Variants in DYNC1LI1 observed in about 807,000 individuals in gnomAD.
DYNC1LI1 encodes the protein cytoplasmic dynein 1 light intermediate chain 1.
In DYNC1LI1, 19 loss-of-function variants were observed where a neutral mutation model predicts 63.8. The observed-to-expected ratio is 0.30, with a 90% CI of 0.21 to 0.44. DYNC1LI1 has a LOEUF of 0.44. Ranked by LOEUF, DYNC1LI1 falls within the 20% of genes least tolerant of loss-of-function variation. The probability of loss-of-function intolerance (pLI) is 1.00; values close to 1 mark genes in which losing one functional copy is unlikely to be tolerated. For synonymous variants in DYNC1LI1, 225 were observed against 232.3 expected (o/e 0.97, Z 0.28); for missense variants, 565 against 630.2 (o/e 0.90, Z 1.11).
intron 5 of DYNC1LI1, among the ~76,000 whole-genome samples, chr3:32,538,594 G>T (rs144028110): frequency 1.3e-5 from 2 of 151,938 alleles, no homozygotes; most frequent in African/African-American, 4.8e-5. Context: ...CCAGCTACTC[G>T]GGAGGCTGAG....
At chr3:32,529,831 C>T (rs1697671337) in intron 10 of DYNC1LI1, among the ~76,000 whole-genome samples, 171 bp from the exon 11 acceptor site, 1 of 152,092 alleles carries the variant, frequency 6.6e-6, no homozygotes, top group South Asian at 2.1e-4. Flanking sequence ...TTAGAGAATG[C>T]CAGACAGAGG....
chr3:32,534,387 A>G, intron 7 of DYNC1LI1, 124 bp downstream of exon 7: 3 of 705,544 alleles, frequency 4.3e-6, no homozygotes, highest in Non-Finnish European at 7.0e-6. Flanking sequence ...ATCTAGGAAC[A>G]GATAGATTCT....
At chr3:32,557,295 C>G (rs1456063994) in intron 2 of DYNC1LI1, among the ~76,000 whole-genome samples, 2 of 152,128 alleles carry the variant, frequency 1.3e-5, no homozygotes, top group African/African-American at 4.8e-5. Flanking sequence ...GTGGGTGGAT[C>G]ACCTGAGGTC....
At chr3:32,543,702 G>C (rs1697913815) in intron 4 of DYNC1LI1, among the ~76,000 whole-genome samples, 1 of 150,688 alleles carries the variant, frequency 6.6e-6, no homozygotes, top group South Asian at 2.1e-4. Context: ...CACCACGCCT[G>C]GCCCACCTAT....
Position 32,570,346 on chromosome 3 carries a change from C to G in DYNC1LI1, c.220G>C (p.Gly74Arg), listed in dbSNP as rs772385078. Residue 74 changes from glycine (G) to arginine (R), a missense_variant and splice_region_variant, in exon 2 of 13, where the codon GGT becomes CGT. By Grantham distance (125) the Gly-to-Arg change is moderately radical (BLOSUM62 -2). Transcript: ENST00000273130. ...LPAGKNVLLL[G>R]EDGAGKTSLI... is the part of the protein sequence containing the mutation. ...GCGGGGCGAGGCAGGGAACACTTACCCAGCAGTAGCACGTTCTTCCCCGCA... is the reference window on the plus strand; with the variant it reads ...GCGGGGCGAGGCAGGGAACACTTACGCAGCAGTAGCACGTTCTTCCCCGCA... 2.5e-6 allele frequency: 4 copies of G among 1,580,240 alleles called. No individual in the cohort carries two copies. The highest frequency in any genetic ancestry group is 1.7e-6 in the Non-Finnish European group (2 of 1,159,014).
intron 2 of DYNC1LI1, among the ~76,000 whole-genome samples, chr3:32,557,720 T>C (rs1415774123): frequency 6.6e-6 from 1 of 152,090 alleles, no homozygotes; most frequent in Non-Finnish European, 1.5e-5. Flanking sequence ...ACCTTTAAAG[T>C]GGCCAATACA....
At chr3:32,542,714 A>G (rs1697899242) in intron 4 of DYNC1LI1, among the ~76,000 whole-genome samples, 1 of 152,080 alleles carries the variant, frequency 6.6e-6, no homozygotes, top group Non-Finnish European at 1.5e-5. Context: ...CCTATTTTCA[A>G]TTTTCAAAAA....
chr3:32,550,202 C>T (rs190267729), intron 2 of DYNC1LI1, among the ~76,000 whole-genome samples: 321 of 152,224 alleles, frequency 2.1e-3, no homozygotes, highest in African/African-American at 6.8e-3. Flanking sequence ...GAGGCCAAGG[C>T]GGGTGGATCA....
rs1333515952 is a variant in DYNC1LI1 at position 32,526,730 on chromosome 3, T to C, written c.*69A>G. 4 of 1,214,866 alleles carry C rather than the reference T, an allele frequency of 3.3e-6. No homozygotes were observed. Among genetic ancestry groups the C allele is most frequent in the East Asian group, 4.7e-5 (2 of 42,530 alleles). 75.3% of individuals were successfully genotyped at this position (1,214,866 alleles called of 1,614,324 possible). A position where few individuals can be genotyped will look rare whatever the true frequency, so the allele number is the denominator to read the frequency against. On this transcript the variant is annotated 3_prime_UTR_variant, in exon 13 of 13. Coordinates refer to ENST00000273130, the MANE Select transcript of DYNC1LI1 (RefSeq NM_016141.4). Reference sequence around the variant, plus strand: ...GCACTCCAGCTTTCTAATTCCACTTTTGAAGGAAAAGGCAGAGGCATGTTT... The same window carrying C: ...GCACTCCAGCTTTCTAATTCCACTTCTGAAGGAAAAGGCAGAGGCATGTTT...
intron 3 of DYNC1LI1, chr3:32,545,452 T>C (rs950508513): frequency 8.8e-6 from 3 of 339,360 alleles, no homozygotes; most frequent in African/African-American, 4.3e-5. Flanking sequence ...AGATATCATA[T>C]ACAAAAATGA....
At chr3:32,570,482 C>T (rs1698333273) in intron 1 of DYNC1LI1, 63 bp from the exon 2 acceptor site, 12 of 1,500,336 alleles carry the variant, frequency 8.0e-6, no homozygotes, top group Admixed American at 2.2e-5. Context: ...GAGGGACGGA[C>T]CCGGCCTCGG....
intron 8 of DYNC1LI1, chr3:32,531,710 T>C (rs1006532544): frequency 6.6e-6 from 1 of 152,296 alleles, no homozygotes; most frequent in South Asian, 2.1e-4. Flanking sequence ...AAACAGAAGA[T>C]GGATGCTTTA....
Position 32,537,105 on chromosome 3 carries a change from C to A in DYNC1LI1, c.739-1G>T. 1 of 1,496,794 alleles carries A rather than the reference C, an allele frequency of 6.7e-7. No individual in the cohort carries two copies. Among genetic ancestry groups the A allele is most frequent in the Non-Finnish European group, 9.1e-7 (1 of 1,102,824 alleles). 92.7% of individuals were successfully genotyped at this position (1,496,794 alleles called of 1,614,324 possible). A position where few individuals can be genotyped will look rare whatever the true frequency, so the allele number is the denominator to read the frequency against. On this transcript the variant is annotated splice_acceptor_variant, in intron 5 of 12. Transcript: ENST00000273130. LOFTEE classifies it high-confidence loss of function. Reference sequence around the variant, plus strand: ...TCTCCAATACACTAATGGCATCACACTGTTAAGTTAAAATAATTAAAAATA... The same window carrying A: ...TCTCCAATACACTAATGGCATCACAATGTTAAGTTAAAATAATTAAAAATA...
intron 5 of DYNC1LI1, among the ~76,000 whole-genome samples, chr3:32,537,915 TTTATATATATAATATATATATA>T (rs1559436097): frequency 3.1e-5 from 2 of 65,344 alleles, no homozygotes; most frequent in African/African-American, 7.6e-5. Context: ...ATATATATAA[TTTATATATATAATATATATATA>T]ATATATATAT....
At position 32,570,740 on chromosome 3, in the gene DYNC1LI1, C is replaced by T; in HGVS notation, c.31G>A (p.Gly11Ser). The change falls in exon 1 of 13, where the codon GGT becomes AGT. Residue 11 changes from glycine (G) to serine (S), a missense_variant. Transcript: ENST00000273130. The stretch of plus-strand genomic sequence containing the variant: ...GAGGATAATCCCGGCGGAGAAGAAC[C>T]GAAGGAGCCGACTCGCCCCACGGCC... MAAVGRVGSF[G>S]SSPPGLSSTY... The T allele has an allele frequency of 1.2e-6, 2 of 1,606,804 alleles. No homozygotes were observed. The highest frequency in any genetic ancestry group is 1.7e-6 in the Non-Finnish European group (2 of 1,176,636).
intron 2 of DYNC1LI1, 127 bp downstream of exon 2, chr3:32,570,219 C>G: frequency 1.2e-6 from 1 of 814,620 alleles, no homozygotes; most frequent in Non-Finnish European, 2.1e-6. Flanking sequence ...CGCGACAGGT[C>G]GGGAGGCGAG....
chr3:32,526,678 C>CAT lies in DYNC1LI1; in HGVS notation c.*120_*121insAT, dbSNP rs57262778. 34 of 693,840 alleles carry CAT rather than the reference C, an allele frequency of 4.9e-5. No homozygotes were observed. The highest frequency in any genetic ancestry group is 4.2e-4 in the African/African-American group (23 of 55,262). 43.0% of individuals were successfully genotyped at this position (693,840 alleles called of 1,614,324 possible). On this transcript the variant is annotated 3_prime_UTR_variant, in exon 13 of 13. Coordinates refer to ENST00000273130, the MANE Select transcript of DYNC1LI1 (RefSeq NM_016141.4). ...CCACACACACACACACACACACACA[C>CAT]GACATAAATTTAGTCCATCTGAAGA...
At chr3:32,557,856 AAC>A (rs1698136015) in intron 2 of DYNC1LI1, among the ~76,000 whole-genome samples, 1 of 152,230 alleles carries the variant, frequency 6.6e-6, no homozygotes, top group Admixed American at 6.5e-5. Flanking sequence ...ACGATCTGTA[AAC>A]ATACAATTAC....
intron 2 of DYNC1LI1, among the ~76,000 whole-genome samples, chr3:32,558,969 C>A (rs1326698050): frequency 6.6e-6 from 1 of 152,076 alleles, no homozygotes; most frequent in African/African-American, 2.4e-5. Flanking sequence ...TCCATTTGTT[C>A]CCCAACTTCT....
Sources: gnomAD v4.1 joint callset for allele counts (sites outside exome capture counted in the v4.1 genomes callset) on GRCh38, gnomAD v4.1.1 for gene constraint, MANE v1.5 for transcripts, NCBI Gene and HGNC (gene_info 2026-07-23, HGNC 2026-07-21) for gene names.